The following KCNJ16 variants were observed in gnomAD, a reference collection of about 807,000 sequenced individuals.
The protein encoded by KCNJ16 is potassium inwardly rectifying channel subfamily J member 16.
Under a neutral mutation model 18.5 loss-of-function variants are expected in KCNJ16, and 15 were observed. The observed-to-expected ratio is 0.81, with a 90% CI of 0.54 to 1.25. The LOEUF is 1.25. Among genes scored for constraint, KCNJ16 ranks in the 50% most tolerant of loss-of-function variants. The pLI is 0.00. For synonymous variants in KCNJ16, 174 were observed against 186.5 expected, an observed-to-expected ratio of 0.93 and a Z score of 0.55; for missense variants, 523 against 525.7, an observed-to-expected ratio of 0.99 and a Z score of 0.05.
chr17:70,090,353 G>A (rs2072028537), intron 1 of KCNJ16, among the ~76,000 whole-genome samples: 5 of 152,152 alleles, frequency 3.3e-5, no homozygotes, highest in Admixed American at 3.3e-4. Flanking sequence ...GATCACCTTT[G>A]TTACATTTTG....
chr17:70,105,100 G>T (rs969806296), intron 2 of KCNJ16: 3 of 152,432 alleles, frequency 2.0e-5, no homozygotes, highest in Non-Finnish European at 4.4e-5. Context: ...TGGATTAAAA[G>T]TGTTCCAAGC....
intron 1 of KCNJ16, among the ~76,000 whole-genome samples, chr17:70,085,581 C>T (rs1177779548): frequency 6.6e-6 from 1 of 152,128 alleles, no homozygotes; most frequent in Admixed American, 6.5e-5. Flanking sequence ...ACCCACTAGT[C>T]AAGACACCTT....
intron 2 of KCNJ16, among the ~76,000 whole-genome samples, chr17:70,120,630 A>G (rs1161513385): frequency 6.6e-6 from 1 of 152,110 alleles, no homozygotes; most frequent in Non-Finnish European, 1.5e-5. Flanking sequence ...AAGTAAGCAA[A>G]AGAGAGAGAG....
At chr17:70,116,461 T>C (rs937834146) in intron 2 of KCNJ16, among the ~76,000 whole-genome samples, 6 of 152,238 alleles carry the variant, frequency 3.9e-5, no homozygotes, top group African/African-American at 1.4e-4. Context: ...ATTGCTGCAT[T>C]GGAGGTTGTA....
chr17:70,124,105 A>G (rs748602240), intron 2 of KCNJ16, among the ~76,000 whole-genome samples: 28 of 152,186 alleles, frequency 1.8e-4, no homozygotes, highest in Non-Finnish European at 3.2e-4. Flanking sequence ...CAAACAAAAT[A>G]AGATAGGGAG....
At chr17:70,083,336 T>C (rs1020314726) in intron 1 of KCNJ16, among the ~76,000 whole-genome samples, 2 of 135,214 alleles carry the variant, frequency 1.5e-5, no homozygotes, top group African/African-American at 5.6e-5. Flanking sequence ...TAGACAGTTA[T>C]GATCAACCTG....
intron 2 of KCNJ16, among the ~76,000 whole-genome samples, chr17:70,118,233 G>T (rs529665788): frequency 6.6e-6 from 1 of 152,102 alleles, no homozygotes; most frequent in African/African-American, 2.4e-5. Context: ...CACAGAGAGG[G>T]GAACATCACA....
At chr17:70,082,180 C>T (rs2071585353) in intron 1 of KCNJ16, among the ~76,000 whole-genome samples, 1 of 152,122 alleles carries the variant, frequency 6.6e-6, no homozygotes, top group African/African-American at 2.4e-5. Flanking sequence ...GGAAGCTTTA[C>T]TGTGGAAGTA....
rs1567784556 is a variant in KCNJ16 at position 70,095,870 on chromosome 17, C to CTCT, written c.-299-4787_-299-4786insCTT. Among the ~76,000 whole-genome samples the CTCT allele has an allele frequency of 9.4e-5, 9 of 95,402 alleles. 2 individuals are homozygous for CTCT. The highest frequency in any genetic ancestry group is 8.2e-5 in the African/African-American group (2 of 24,246). The allele number at this position is 95,402 out of a possible 152,430, so 62.6% of individuals were successfully genotyped here. ...ATTTGGCATTTTATATTACTTAATC[C>CTCT]TTTTTTTTTTTTTTTTTTTTTTTTT... On this transcript the variant is annotated intron_variant, in intron 1 of 3. Transcript: ENST00000392671.
intron 2 of KCNJ16, among the ~76,000 whole-genome samples, chr17:70,109,467 A>G (rs1457888592): frequency 6.6e-6 from 1 of 152,078 alleles, no homozygotes; most frequent in Non-Finnish European, 1.5e-5. Context: ...TGCCATACCT[A>G]TTTGATGCAG....
intron 2 of KCNJ16, chr17:70,102,067 T>C (rs2143848346): frequency 6.6e-6 from 1 of 152,170 alleles, no homozygotes; most frequent in Middle Eastern, 3.4e-3. Flanking sequence ...TTCACCTGAT[T>C]AGTTGAAGCC....
At chr17:70,120,374 G>T (rs139046152) in intron 2 of KCNJ16, among the ~76,000 whole-genome samples, 1 of 152,028 alleles carries the variant, frequency 6.6e-6, no homozygotes, top group Non-Finnish European at 1.5e-5. Context: ...AGCCACTTTC[G>T]CATTTTCACG....
chr17:70,118,518 T>C lies in KCNJ16; in HGVS notation c.-190-12361T>C, dbSNP rs184127548. Among the ~76,000 whole-genome samples the C allele has an allele frequency of 3.3e-4, 51 of 152,268 alleles. No homozygotes were observed. The East Asian group carries it at 7.9e-3, about 24-fold the overall frequency. On this transcript the variant is annotated intron_variant, in intron 2 of 3. Coordinates refer to ENST00000392671, the MANE Select transcript of KCNJ16 (RefSeq NM_170741.4). ...CTCCAGGAAGCATAATGCCAGCACCTGCTTCTGGGGAGGCCTCAGGAAACT... is the reference window on the plus strand; with the variant it reads ...CTCCAGGAAGCATAATGCCAGCACCCGCTTCTGGGGAGGCCTCAGGAAACT...
chr17:70,094,359 A>C (rs2072256104), intron 1 of KCNJ16, among the ~76,000 whole-genome samples: 1 of 152,264 alleles, frequency 6.6e-6, no homozygotes, highest in Non-Finnish European at 1.5e-5. Context: ...CAAGCTTTGG[A>C]GGGTAAGGGA....
chr17:70,115,797 G>C (rs758355168), intron 2 of KCNJ16, among the ~76,000 whole-genome samples: 1 of 152,060 alleles, frequency 6.6e-6, no homozygotes, highest in Non-Finnish European at 1.5e-5. Context: ...ATGAGATCTG[G>C]TTTTACTTAG....
chr17:70,079,812 C>T (rs2071476436), intron 1 of KCNJ16, among the ~76,000 whole-genome samples: 1 of 152,180 alleles, frequency 6.6e-6, no homozygotes, highest in African/African-American at 2.4e-5. Context: ...AAGCAATTCT[C>T]TTGCCTCCGC....
chr17:70,118,989 T>G (rs192230369), intron 2 of KCNJ16, among the ~76,000 whole-genome samples: 14 of 152,116 alleles, frequency 9.2e-5, no homozygotes, highest in Non-Finnish European at 1.5e-5. Context: ...CAAGATACAA[T>G]AGGGGCATTG....
At chr17:70,083,991 A>G (rs548225503) in intron 1 of KCNJ16, among the ~76,000 whole-genome samples, 7 of 152,068 alleles carry the variant, frequency 4.6e-5, no homozygotes, top group Non-Finnish European at 8.8e-5. Flanking sequence ...GCAGCACAGT[A>G]CCCTCCCTCT....
At chr17:70,116,311 A>G (rs2073402570) in intron 2 of KCNJ16, among the ~76,000 whole-genome samples, 2 of 152,108 alleles carry the variant, frequency 1.3e-5, no homozygotes, top group Admixed American at 1.3e-4. Context: ...TGATTGTACC[A>G]TTACCTATGA....
Sources: gnomAD v4.1 joint callset for allele counts (sites outside exome capture counted in the v4.1 genomes callset) on GRCh38, gnomAD v4.1.1 for gene constraint, MANE v1.5 for transcripts, NCBI Gene and HGNC (gene_info 2026-07-23, HGNC 2026-07-21) for gene names.